The following IBSP variants were observed in gnomAD, a reference collection of about 807,000 sequenced individuals.
IBSP encodes integrin-binding sialoprotein.
A neutral mutation model predicts 25.5 loss-of-function variants in IBSP; 19 were observed. The observed-to-expected ratio is 0.74, with a 90% CI of 0.52 to 1.09. The LOEUF is 1.09. IBSP is among the 50% of genes least tolerant of loss of function. The probability of loss-of-function intolerance (pLI) is 0.00; values close to 1 mark genes in which losing one functional copy is unlikely to be tolerated. For missense variants in IBSP, 360 were observed against 382.3 expected, an observed-to-expected ratio of 0.94 and a Z score of 0.49; for synonymous variants, 144 against 137.6, an observed-to-expected ratio of 1.05 and a Z score of -0.33.
intron 4 of IBSP, among the ~76,000 whole-genome samples, chr4:87,804,910 C>T (rs1444155133): frequency 6.6e-6 from 1 of 152,142 alleles, no homozygotes; most frequent in Admixed American, 6.6e-5. Flanking sequence ...ATACTGTCCT[C>T]TATAATTAAG....
At chr4:87,800,193 A>G (rs984622003) in intron 1 of IBSP, among the ~76,000 whole-genome samples, 5 of 152,172 alleles carry the variant, frequency 3.3e-5, no homozygotes, top group African/African-American at 7.2e-5. Context: ...TCCTTTAAGA[A>G]TGTTTGAATT....
intron 5 of IBSP, among the ~76,000 whole-genome samples, chr4:87,809,753 C>T (rs536037764): frequency 1.3e-5 from 2 of 152,118 alleles, no homozygotes; most frequent in Non-Finnish European, 2.9e-5. Context: ...ATTCAATTTT[C>T]CAGTATTTGT....
intron 5 of IBSP, among the ~76,000 whole-genome samples, chr4:87,808,539 T>C (rs1448078959): frequency 6.6e-6 from 1 of 152,154 alleles, no homozygotes; most frequent in African/African-American, 2.4e-5. Flanking sequence ...TACATCTCAT[T>C]GAAATTTCAG....
chr4:87,808,471 G>A (rs934009284), intron 5 of IBSP, among the ~76,000 whole-genome samples: 18 of 152,140 alleles, frequency 1.2e-4, no homozygotes, highest in African/African-American at 3.4e-4. Context: ...GTGAGCCACC[G>A]CGCCCAGACA....
Position 87,810,731 on chromosome 4 carries a change from T to C in IBSP, c.372T>C (p.Tyr124=), listed in dbSNP as rs1238889229. 6.2e-7 allele frequency: 1 copy of C among 1,613,818 alleles called. No homozygotes were observed. Among genetic ancestry groups the C allele is most frequent in the Admixed American group, 1.7e-5 (1 of 59,968 alleles). ...AGGACGCCACGCCTGGCACAGGGTATACAGGGTTAGCTGCAATCCAGCTTC... is the reference window on the plus strand; with the variant it reads ...AGGACGCCACGCCTGGCACAGGGTACACAGGGTTAGCTGCAATCCAGCTTC... ...YGEDATPGTG[Y]TGLAAIQLPK... is the part of the protein sequence containing the mutation. The change falls in exon 6 of 7, where the codon TAT becomes TAC. Residue 124 remains tyrosine, a synonymous_variant. Transcript: ENST00000226284.
At chr4:87,811,242 G>A in intron 6 of IBSP, 120 bp from the exon 7 acceptor site, 1 of 1,105,708 alleles carries the variant, frequency 9.0e-7, no homozygotes, top group Non-Finnish European at 1.3e-6. Flanking sequence ...AATTAAAGTG[G>A]CCTTAATTCA....
chr4:87,807,353 C>G (rs976907510), intron 5 of IBSP, among the ~76,000 whole-genome samples: 2 of 151,980 alleles, frequency 1.3e-5, no homozygotes, highest in East Asian at 3.9e-4. Context: ...GGTGTGGGAA[C>G]TTGAAAGGTG....
chr4:87,804,403 A>G (rs971503770), intron 4 of IBSP, among the ~76,000 whole-genome samples: 1 of 152,206 alleles, frequency 6.6e-6, no homozygotes, highest in South Asian at 2.1e-4. Flanking sequence ...TGGATTGCAA[A>G]GTGATCAGCA....
intron 4 of IBSP, among the ~76,000 whole-genome samples, chr4:87,805,359 T>A (rs1722075033): frequency 6.6e-6 from 1 of 152,302 alleles, no homozygotes; most frequent in East Asian, 1.9e-4. Context: ...AAAATCTTAA[T>A]TTATTCTCAT....
chr4:87,807,567 A>T (rs887519530), intron 5 of IBSP, among the ~76,000 whole-genome samples: 1 of 152,194 alleles, frequency 6.6e-6, no homozygotes, highest in African/African-American at 2.4e-5. Context: ...CCATTTAGTT[A>T]TAGCTATTTG....
rs1421706880 is a variant in IBSP, at chr4:87,812,065, A to T, written c.*155A>T. On this transcript the variant is annotated 3_prime_UTR_variant, in exon 7 of 7. Transcript: ENST00000226284. ...TTTCTGTAATTGCTTCTGCAAAGTA[A>T]TAGGCTTCTTGTCCCTTTTTTTTCT... 3.6e-6 allele frequency: 2 copies of T among 553,746 alleles called. No individual in the cohort carries two copies. The highest frequency in any genetic ancestry group is 6.1e-6 in the Non-Finnish European group (2 of 328,702). The allele number at this position is 553,746 out of a possible 1,614,324, so 34.3% of individuals were successfully genotyped here.
intron 5 of IBSP, among the ~76,000 whole-genome samples, 185 bp downstream of exon 5, chr4:87,806,369 A>T (rs1722089864): frequency 6.6e-6 from 1 of 152,216 alleles, no homozygotes; most frequent in Non-Finnish European, 1.5e-5. Context: ...TGTTTAAAAC[A>T]CTATTGCAGT....
In IBSP at chr4:87,802,714, A is replaced by G; in HGVS notation, c.166A>G (p.Lys56Glu). Residue 56 changes from lysine to glutamate, a missense_variant, in exon 4 of 7, where the codon AAA becomes GAA. Coordinates refer to ENST00000226284, the MANE Select transcript of IBSP (RefSeq NM_004967.4). ...YKHAYFYPHL[K>E]RFPVQGSSDS... ...GCATGCCTACTTTTATCCTCATTTA[A>G]AACGATTTCCAGTTCAGGTAAATAT... 2 of 1,554,072 alleles carry G rather than the reference A, an allele frequency of 1.3e-6. No individual in the cohort carries two copies. Among genetic ancestry groups the G allele is most frequent in the Non-Finnish European group, 1.7e-6 (2 of 1,159,946 alleles).
In IBSP at chr4:87,805,713, T is replaced by C. The variant is rs865832372; in HGVS notation, c.184-409T>C. On this transcript the variant is annotated intron_variant, in intron 4 of 6. Coordinates refer to ENST00000226284, the MANE Select transcript of IBSP (RefSeq NM_004967.4). Reference sequence around the variant, plus strand: ...CCTGCTGGAGAAGTCACAACTTTTTTAGGCCGCTGATTCATTCTCCATAAA... The same window carrying C: ...CCTGCTGGAGAAGTCACAACTTTTTCAGGCCGCTGATTCATTCTCCATAAA... 2.0e-5 allele frequency among the ~76,000 whole-genome samples: 3 copies of C among 152,332 alleles called. No individual in the cohort carries two copies. In the South Asian group the frequency reaches 6.2e-4, roughly 32 times the overall value.
intron 5 of IBSP, among the ~76,000 whole-genome samples, chr4:87,807,657 T>G (rs2110057550): frequency 6.6e-6 from 1 of 152,322 alleles, no homozygotes; most frequent in South Asian, 2.1e-4. Flanking sequence ...GCTCTTCGTT[T>G]GTTGTTGTGG....
chr4:87,806,315 G>A, intron 5 of IBSP, 131 bp downstream of exon 5: 1 of 684,810 alleles, frequency 1.5e-6, no homozygotes, highest in South Asian at 1.8e-5. Flanking sequence ...ATCCTATTTT[G>A]GATAAGCAGA....
chr4:87,804,039 T>C (rs2110056513), intron 4 of IBSP, among the ~76,000 whole-genome samples: 1 of 152,306 alleles, frequency 6.6e-6, no homozygotes, highest in South Asian at 2.1e-4. Flanking sequence ...TTTCTCAATA[T>C]TGATAGACCT....
intron 5 of IBSP, among the ~76,000 whole-genome samples, chr4:87,806,619 G>A (rs1015541357): frequency 1.3e-5 from 2 of 152,168 alleles, no homozygotes; most frequent in Non-Finnish European, 2.9e-5. Flanking sequence ...AATTTACCAA[G>A]AGGGTAATAT....
chr4:87,809,185 A>G (rs1722134657), intron 5 of IBSP, among the ~76,000 whole-genome samples: 1 of 152,158 alleles, frequency 6.6e-6, no homozygotes, highest in South Asian at 2.1e-4. Context: ...CTATTTTTCT[A>G]TCCAATAAAA....
Sources: gnomAD v4.1 joint callset for allele counts (sites outside exome capture counted in the v4.1 genomes callset) on GRCh38, gnomAD v4.1.1 for gene constraint, MANE v1.5 for transcripts, NCBI Gene and HGNC (gene_info 2026-07-23, HGNC 2026-07-21) for gene names.